Variants in SPAG16 observed in about 807,000 individuals in gnomAD.
SPAG16 encodes sperm associated antigen 16.
SPAG16 carries 86 observed loss-of-function variants against 80.4 expected under a neutral mutation model. That is an observed-to-expected ratio of 1.07 (90% CI 0.90 to 1.28). The LOEUF (loss-of-function observed/expected upper bound fraction) is 1.28, where lower values mean the gene tolerates loss of function less well. SPAG16 is among the 50% of genes most tolerant of loss of function. The probability of loss-of-function intolerance (pLI) is 0.00; values close to 1 mark genes in which losing one functional copy is unlikely to be tolerated. For missense variants in SPAG16, 870 were observed against 765.3 expected, an observed-to-expected ratio of 1.14 and a Z score of -1.61; for synonymous variants, 294 against 265.9, an observed-to-expected ratio of 1.11 and a Z score of -1.03.
chr2:213,552,534 A>G (rs1035758552), intron 10 of SPAG16, among the ~76,000 whole-genome samples: 1 of 152,196 alleles, frequency 6.6e-6, no homozygotes, highest in African/African-American at 2.4e-5. Context: ...AAATATTTAT[A>G]TATTGATAAG....
At chr2:213,957,015 A>T (rs1168354821) in intron 12 of SPAG16, among the ~76,000 whole-genome samples, 1 of 152,094 alleles carries the variant, frequency 6.6e-6, no homozygotes, top group Non-Finnish European at 1.5e-5. Flanking sequence ...TATCTTTTAA[A>T]TCTATTGAGA....
At chr2:213,300,880 A>G (rs1559385824) in intron 3 of SPAG16, among the ~76,000 whole-genome samples, 1 of 152,124 alleles carries the variant, frequency 6.6e-6, no homozygotes, top group South Asian at 2.1e-4. Flanking sequence ...ATAGAATTCT[A>G]TTCTCAGAAA....
At chr2:214,073,596 C>T (rs1239466706) in intron 13 of SPAG16, among the ~76,000 whole-genome samples, 4 of 152,012 alleles carry the variant, frequency 2.6e-5, no homozygotes, top group Non-Finnish European at 5.9e-5. Flanking sequence ...TGGAAGAACT[C>T]AATAGCATAA....
At chr2:213,496,829 A>C (rs1275939080) in intron 10 of SPAG16, among the ~76,000 whole-genome samples, 1 of 151,336 alleles carries the variant, frequency 6.6e-6, no homozygotes. Flanking sequence ...TTTTGAAATT[A>C]AATATTTTGA....
At chr2:213,611,146 C>T (rs2061428577) in intron 10 of SPAG16, among the ~76,000 whole-genome samples, 1 of 152,158 alleles carries the variant, frequency 6.6e-6, no homozygotes, top group African/African-American at 2.4e-5. Context: ...TGGGGGTAGT[C>T]ATGCTGTGGT....
chr2:213,359,426 T>C (rs2065853883), intron 7 of SPAG16, among the ~76,000 whole-genome samples: 1 of 152,130 alleles, frequency 6.6e-6, no homozygotes, highest in African/African-American at 2.4e-5. Flanking sequence ...TGCGGTGGGC[T>C]CCTCCAGTTT....
intron 1 of SPAG16, among the ~76,000 whole-genome samples, chr2:213,293,043 C>T (rs1002900634): frequency 5.3e-5 from 8 of 152,160 alleles, no homozygotes; most frequent in Admixed American, 4.6e-4. Flanking sequence ...GTGTCAAGGG[C>T]AGGACCTTGT....
chr2:214,349,218 G>A (rs1698251864), intron 15 of SPAG16, among the ~76,000 whole-genome samples: 1 of 152,016 alleles, frequency 6.6e-6, no homozygotes. Context: ...ACCATTTCCT[G>A]ACAAAAAGAA....
At chr2:214,230,125 C>T (rs1688587905) in intron 15 of SPAG16, among the ~76,000 whole-genome samples, 1 of 151,904 alleles carries the variant, frequency 6.6e-6, no homozygotes, top group Non-Finnish European at 1.5e-5. Flanking sequence ...TCAGCCTCCT[C>T]ATTTTAATTA....
intron 9 of SPAG16, among the ~76,000 whole-genome samples, chr2:213,489,583 G>A (rs1417224583): frequency 6.6e-6 from 1 of 152,036 alleles, no homozygotes. Flanking sequence ...GGACAAAAGG[G>A]GCATAAGAAT....
intron 12 of SPAG16, among the ~76,000 whole-genome samples, chr2:213,931,506 T>C (rs1382404320): frequency 6.6e-6 from 1 of 152,220 alleles, no homozygotes; most frequent in Non-Finnish European, 1.5e-5. Context: ...AGTATTTAAT[T>C]TGAATTTTGT....
chr2:213,320,222 C>T (rs1012950237), intron 5 of SPAG16, among the ~76,000 whole-genome samples: 2 of 151,828 alleles, frequency 1.3e-5, no homozygotes, highest in African/African-American at 2.4e-5. Context: ...ATTGATACAT[C>T]ATAATTGTAC....
At chr2:214,403,602 G>A (rs752256537) in intron 15 of SPAG16, among the ~76,000 whole-genome samples, 8 of 152,112 alleles carry the variant, frequency 5.3e-5, no homozygotes, top group Admixed American at 2.6e-4. Context: ...GATATTACAC[G>A]TATAACCTAC....
chr2:213,929,016 T>C (rs2078631188), intron 11 of SPAG16, among the ~76,000 whole-genome samples: 1 of 136,850 alleles, frequency 7.3e-6, no homozygotes, highest in Non-Finnish European at 1.6e-5. Context: ...TTTTTTTTTT[T>C]TTTTTTTTTT....
chr2:213,583,365 T>C (rs777268170), intron 10 of SPAG16, among the ~76,000 whole-genome samples: 8 of 152,178 alleles, frequency 5.3e-5, no homozygotes, highest in Non-Finnish European at 1.0e-4. Flanking sequence ...TTGACATTGG[T>C]TGGCAATTTT....
At chr2:213,729,762 A>G (rs2066941861) in intron 10 of SPAG16, among the ~76,000 whole-genome samples, 1 of 152,242 alleles carries the variant, frequency 6.6e-6, no homozygotes. Flanking sequence ...AATGGCAAGC[A>G]AAGACATTTG....
At chr2:213,835,042 A>T (rs1018228676) in intron 10 of SPAG16, among the ~76,000 whole-genome samples, 22 of 152,292 alleles carry the variant, frequency 1.4e-4, no homozygotes, top group African/African-American at 5.3e-4. Flanking sequence ...GGTTACTGTT[A>T]GATTTACAAT....
intron 13 of SPAG16, among the ~76,000 whole-genome samples, chr2:214,082,788 C>T (rs533561565): frequency 8.3e-4 from 126 of 152,300 alleles, no homozygotes; most frequent in African/African-American, 2.7e-3. Context: ...TTATGCTCAA[C>T]AGATTCAACC....
chr2:213,342,132 T>C (rs1274094446), intron 6 of SPAG16, among the ~76,000 whole-genome samples: 2 of 151,892 alleles, frequency 1.3e-5, no homozygotes, highest in African/African-American at 2.4e-5. Context: ...TTGCCATCAA[T>C]ATTTTCTTTA....
Sources: allele counts gnomAD v4.1 joint callset (sites outside exome capture counted in the v4.1 genomes callset), GRCh38; gene constraint gnomAD v4.1.1; transcripts MANE v1.5; gene names NCBI Gene and HGNC (gene_info 2026-07-23, HGNC 2026-07-21).